The following BAZ1B variants were observed in gnomAD, a reference collection of about 807,000 sequenced individuals.
The protein encoded by BAZ1B is tyrosine-protein kinase BAZ1B.
A neutral mutation model predicts 153.8 loss-of-function variants in BAZ1B; 22 were observed. That is an observed-to-expected ratio of 0.14 (90% CI 0.10 to 0.20). The LOEUF is 0.20. Ranked by LOEUF, BAZ1B falls within the 10% of genes least tolerant of loss-of-function variation. BAZ1B has a pLI of 1.00. For synonymous variants in BAZ1B, 676 were observed against 633.4 expected (o/e 1.07, Z -1.01); for missense variants, 1,325 against 1,799.3 (o/e 0.74, Z 4.77).
intron 6 of BAZ1B, among the ~76,000 whole-genome samples, chr7:73,480,990 A>T (rs1789176348): frequency 6.6e-6 from 1 of 152,016 alleles, no homozygotes; most frequent in South Asian, 2.1e-4. Context: ...GCAGTAGCGC[A>T]ATCCTGGCTC....
intron 11 of BAZ1B, among the ~76,000 whole-genome samples, chr7:73,464,453 GC>G: frequency 6.6e-6 from 1 of 152,200 alleles, no homozygotes; most frequent in South Asian, 2.1e-4. Context: ...ATCACCCCAA[GC>G]AGGAATCTCT....
At chr7:73,452,029 G>A (rs1184386690) in intron 13 of BAZ1B, among the ~76,000 whole-genome samples, 2 of 152,136 alleles carry the variant, frequency 1.3e-5, no homozygotes, top group African/African-American at 4.8e-5. Flanking sequence ...AAACAGTCAT[G>A]GGCAGTCCTG....
chr7:73,443,336 G>C (rs1479254236), intron 17 of BAZ1B, among the ~76,000 whole-genome samples: 1 of 152,030 alleles, frequency 6.6e-6, no homozygotes, highest in African/African-American at 2.4e-5. Context: ...TGAGGGTTAA[G>C]TGGCTAAAGA....
intron 8 of BAZ1B, 74 bp downstream of exon 8, chr7:73,470,271 C>A: frequency 6.9e-7 from 1 of 1,449,220 alleles, no homozygotes; most frequent in Non-Finnish European, 9.3e-7. Context: ...TATTCTTGTA[C>A]TTTAGAAAAT....
chr7:73,510,214 G>C (rs1468983732), intron 2 of BAZ1B, among the ~76,000 whole-genome samples: 1 of 152,070 alleles, frequency 6.6e-6, no homozygotes, highest in Non-Finnish European at 1.5e-5. Context: ...AGGATCACGA[G>C]GTCAGGAGAT....
Position 73,521,992 on chromosome 7 carries a change from G to T in BAZ1B, c.-59C>A. On this transcript the variant is annotated 5_prime_UTR_variant, in exon 1 of 20. Coordinates refer to ENST00000339594, the MANE Select transcript of BAZ1B (RefSeq NM_032408.4). Reference sequence around the variant, plus strand: ...GGGCCGGCCCCGCGGCGCAGCACTAGGCCCCGCGGCCCGGAGCGAGCGCCA... The same window carrying T: ...GGGCCGGCCCCGCGGCGCAGCACTATGCCCCGCGGCCCGGAGCGAGCGCCA... 8.4e-7 allele frequency: 1 copy of T among 1,190,846 alleles called. No homozygotes were observed. 73.8% of individuals were successfully genotyped at this position (1,190,846 alleles called of 1,614,324 possible).
At chr7:73,494,432 T>A (rs533202692) in intron 4 of BAZ1B, among the ~76,000 whole-genome samples, 1 of 151,150 alleles carries the variant, frequency 6.6e-6, no homozygotes, top group East Asian at 2.0e-4. Flanking sequence ...GATAAGGAAA[T>A]TGGAAGATAC....
At chr7:73,520,590 C>G (rs1554580050) in intron 1 of BAZ1B, among the ~76,000 whole-genome samples, 1 of 152,156 alleles carries the variant, frequency 6.6e-6, no homozygotes, top group African/African-American at 2.4e-5. Context: ...CAAGATGCTA[C>G]AGCTCTATTT....
rs568986994 is a variant in BAZ1B at position 73,450,443 on chromosome 7, C to T, written c.3580+404G>A. The stretch of plus-strand genomic sequence containing the variant: ...GCTTCTAACCATGAAGTTCCTTTTG[C>T]ACATATGAGACTGCATGCCACCCTC... On this transcript the variant is annotated intron_variant, in intron 14 of 19. Coordinates refer to ENST00000339594, the MANE Select transcript of BAZ1B (RefSeq NM_032408.4). This position sits in a 1 kb window ranked among gnomAD's most constrained non-coding sequence, Gnocchi z 4.1. 6.6e-6 allele frequency among the ~76,000 whole-genome samples: 1 copy of T among 152,320 alleles called. No homozygotes were observed. The highest frequency in any genetic ancestry group is 6.5e-5 in the Admixed American group (1 of 15,298).
At chr7:73,519,256 A>G (rs1554579762) in intron 1 of BAZ1B, among the ~76,000 whole-genome samples, 1 of 152,232 alleles carries the variant, frequency 6.6e-6, no homozygotes, top group Non-Finnish European at 1.5e-5. Context: ...GAAAATTAAA[A>G]TATCAAGTCC....
chr7:73,486,469 G>C (rs1375613950), intron 6 of BAZ1B, among the ~76,000 whole-genome samples: 2 of 152,108 alleles, frequency 1.3e-5, no homozygotes, highest in Non-Finnish European at 2.9e-5. Context: ...TGGGACTACA[G>C]GTGCCCGCCA....
intron 4 of BAZ1B, among the ~76,000 whole-genome samples, chr7:73,496,932 T>G (rs1789926519): frequency 6.6e-6 from 1 of 151,686 alleles, no homozygotes. Flanking sequence ...TAAGCTGTCA[T>G]CACAACACTC....
rs1787575810 is a variant in BAZ1B, at chr7:73,440,649, T to C, written c.*1060A>G. 6.6e-6 allele frequency: 1 copy of C among 152,142 alleles called. No homozygotes were observed. The highest frequency in any genetic ancestry group is 1.5e-5 in the Non-Finnish European group (1 of 68,034). 9.4% of individuals were successfully genotyped at this position (152,142 alleles called of 1,614,324 possible). On this transcript the variant is annotated 3_prime_UTR_variant, in exon 20 of 20. Coordinates refer to ENST00000339594, the MANE Select transcript of BAZ1B (RefSeq NM_032408.4). The stretch of plus-strand genomic sequence containing the variant: ...AGCTGTGATGTCAGTGCCAACTCCA[T>C]GCCTATAGAAGGGACGGTAAACTAC...
At chr7:73,463,851 G>C (rs919846877) in intron 11 of BAZ1B, among the ~76,000 whole-genome samples, 1 of 152,028 alleles carries the variant, frequency 6.6e-6, no homozygotes, top group Non-Finnish European at 1.5e-5. Context: ...GGGACTACAG[G>C]CACCCGCCAC....
chr7:73,483,507 T>A (rs1789279205), intron 6 of BAZ1B, among the ~76,000 whole-genome samples: 1 of 152,230 alleles, frequency 6.6e-6, no homozygotes, highest in Non-Finnish European at 1.5e-5. Flanking sequence ...AATTTGTTAC[T>A]ATAAAATATA....
At chr7:73,455,055 CTTTT>C (rs1242520147) in intron 13 of BAZ1B, among the ~76,000 whole-genome samples, 3 of 144,556 alleles carry the variant, frequency 2.1e-5, no homozygotes, top group South Asian at 4.4e-4. Context: ...TGCATTTTTT[CTTTT>C]TTTTTTTAGA....
rs200835151 is a variant in BAZ1B, at chr7:73,462,944, T to C, written c.3227A>G (p.Glu1076Gly). 21 of 1,614,124 alleles carry C rather than the reference T, an allele frequency of 1.3e-5. No homozygotes were observed. The highest frequency in any genetic ancestry group is 1.8e-5 in the Non-Finnish European group (21 of 1,180,012). The change falls in exon 12 of 20, where the codon GAA (glutamate) becomes GGA (glycine). Residue 1076 changes from glutamate (E) to glycine (G), a missense_variant. By Grantham distance (98) the Glu-to-Gly change is moderately conservative. Transcript: ENST00000339594. ...TACCCGGGCTTCAAATTCTGATGTT[T>C]CTTCCACATATCCAAGTCCTCCTTT... ...LQKGGLGYVE[E>G]TSEFEARVIS...
At position 73,442,431 on chromosome 7, in the gene BAZ1B, G is replaced by C. The variant is rs781890040; in HGVS notation, c.4217C>G (p.Thr1406Ser). ...GSYRSVQEFL[T>S]DMKQVFTNAE... ...ATTGGTAAACACTTGCTTCATGTCA[G>C]TAAGAAACTCCTGCACAGAGCGGTA... is the stretch of plus-strand genomic sequence containing the variant. Residue 1406 changes from threonine to serine, a missense_variant, in exon 19 of 20, where the codon ACT (threonine) becomes AGT (serine). Physicochemically the swap from Thr to Ser is moderately conservative, Grantham distance 58. This residue lies in a region of BAZ1B where 271 missense variants were observed against 337.2 expected (regional missense o/e 0.80). Coordinates refer to ENST00000339594, the MANE Select transcript of BAZ1B (RefSeq NM_032408.4). 1 of 1,614,118 alleles carries C rather than the reference G, an allele frequency of 6.2e-7. No individual in the cohort carries two copies. The highest frequency in any genetic ancestry group is 8.5e-7 in the Non-Finnish European group (1 of 1,180,062).
chr7:73,492,751 T>C (rs926686344), intron 5 of BAZ1B, 49 bp downstream of exon 5: 35 of 1,511,630 alleles, frequency 2.3e-5, no homozygotes, highest in Non-Finnish European at 2.9e-5. Context: ...CCCTATGATA[T>C]TTTCTTAAAG....
Sources: allele counts gnomAD v4.1 joint callset (sites outside exome capture counted in the v4.1 genomes callset), GRCh38; gene constraint gnomAD v4.1.1; regional missense constraint gnomAD v4.1.1; non-coding constraint Gnocchi (gnomAD v3.1); transcripts MANE v1.5; gene names NCBI Gene and HGNC (gene_info 2026-07-23, HGNC 2026-07-21).